The following CDH6 variants were observed in gnomAD, a reference collection of about 807,000 sequenced individuals.
CDH6 encodes cadherin 6.
CDH6 carries 31 observed loss-of-function variants against 78.0 expected under a neutral mutation model. The observed-to-expected ratio is 0.40, with a 90% CI of 0.30 to 0.54. The LOEUF is 0.54. CDH6 is among the 20% of genes least tolerant of loss of function. The pLI is 0.56. For missense variants in CDH6, 724 were observed against 975.9 expected, an observed-to-expected ratio of 0.74 and a Z score of 3.44; for synonymous variants, 376 against 368.8, an observed-to-expected ratio of 1.02 and a Z score of -0.23.
At chr5:31,242,167 C>T (rs184253912) in intron 1 of CDH6, among the ~76,000 whole-genome samples, 7 of 152,196 alleles carry the variant, frequency 4.6e-5, no homozygotes, top group Admixed American at 2.0e-4. Context: ...TTTTGCATCA[C>T]GAAATCTTTG....
Position 31,299,650 on chromosome 5 carries a change from A to C in CDH6, c.811+19A>C. ...CCCCAGAGTAGGAACATTTGATTGA[A>C]TGAATTTCTTCAATGTGCTTTTATA... On this transcript the variant is annotated intron_variant, in intron 5 of 11. Transcript: ENST00000265071. 3 of 1,588,586 alleles carry C rather than the reference A, an allele frequency of 1.9e-6. No individual in the cohort carries two copies. Among genetic ancestry groups the C allele is most frequent in the Non-Finnish European group, 2.6e-6 (3 of 1,159,440 alleles).
At chr5:31,295,836 G>A (rs922730127) in intron 3 of CDH6, among the ~76,000 whole-genome samples, 1 of 152,162 alleles carries the variant, frequency 6.6e-6, no homozygotes, top group Non-Finnish European at 1.5e-5. Context: ...ATGAGGATTA[G>A]ATGATAAAAC....
chr5:31,232,990 T>C (rs1741352937), intron 1 of CDH6, among the ~76,000 whole-genome samples: 1 of 152,148 alleles, frequency 6.6e-6, no homozygotes, highest in South Asian at 2.1e-4. Context: ...AGCTAGAATA[T>C]GGAAGAGCCA....
chr5:31,206,787 A>G (rs1740534506), intron 1 of CDH6, among the ~76,000 whole-genome samples: 1 of 152,210 alleles, frequency 6.6e-6, no homozygotes, highest in Non-Finnish European at 1.5e-5. Flanking sequence ...TTACATTAAT[A>G]CAGAAATTAG....
chr5:31,276,858 CA>C (rs1407998416), intron 2 of CDH6, among the ~76,000 whole-genome samples: 1 of 152,138 alleles, frequency 6.6e-6, no homozygotes, highest in Non-Finnish European at 1.5e-5. Flanking sequence ...TAACTTAATA[CA>C]CAGAAAAGGC....
intron 2 of CDH6, among the ~76,000 whole-genome samples, chr5:31,274,445 C>A (rs1194544299): frequency 6.6e-6 from 1 of 152,170 alleles, no homozygotes; most frequent in South Asian, 2.1e-4. Context: ...CACAAGGAAC[C>A]GATCCCAGAT....
chr5:31,215,026 C>A (rs1317835095), intron 1 of CDH6, among the ~76,000 whole-genome samples: 1 of 152,060 alleles, frequency 6.6e-6, no homozygotes, highest in East Asian at 1.9e-4. Flanking sequence ...ACTGAATATT[C>A]TTTTGAATGA....
chr5:31,225,250 C>T (rs1741117905), intron 1 of CDH6, among the ~76,000 whole-genome samples: 1 of 152,148 alleles, frequency 6.6e-6, no homozygotes. Flanking sequence ...TGACTCTGGG[C>T]TTTGTGTTTA....
intron 1 of CDH6, among the ~76,000 whole-genome samples, chr5:31,223,000 TTCTC>T (rs992109090): frequency 6.6e-6 from 1 of 152,006 alleles, no homozygotes; most frequent in African/African-American, 2.4e-5. Context: ...CTTTTCCTCT[TTCTC>T]TCTCACTTTT....
intron 1 of CDH6, among the ~76,000 whole-genome samples, chr5:31,238,293 G>C (rs1356171098): frequency 1.3e-5 from 2 of 152,136 alleles, no homozygotes; most frequent in African/African-American, 2.4e-5. Flanking sequence ...GGGAGAGCCA[G>C]AATAATGCCC....
chr5:31,263,258 TC>T (rs1363748737), intron 1 of CDH6, among the ~76,000 whole-genome samples: 70 of 134,400 alleles, frequency 5.2e-4, no homozygotes, highest in African/African-American at 2.1e-3. Context: ...AGGTCTCTCT[TC>T]TTTTTTTTTT....
intron 2 of CDH6, among the ~76,000 whole-genome samples, chr5:31,292,867 ATATATATG>A (rs1561061177): frequency 5.5e-5 from 5 of 91,202 alleles, no homozygotes; most frequent in African/African-American, 1.4e-4. Flanking sequence ...ATATATATAT[ATATATATG>A]TATGTGTTTG....
intron 2 of CDH6, among the ~76,000 whole-genome samples, chr5:31,292,793 A>ATATGTG (rs1337191928): frequency 7.0e-6 from 1 of 143,020 alleles, no homozygotes; most frequent in African/African-American, 2.6e-5. Flanking sequence ...ATATGTATAT[A>ATATGTG]TATGTGTGTG....
At chr5:31,233,678 T>C (rs1741377754) in intron 1 of CDH6, among the ~76,000 whole-genome samples, 1 of 152,206 alleles carries the variant, frequency 6.6e-6, no homozygotes, top group Admixed American at 6.5e-5. Flanking sequence ...GGCTACGACA[T>C]TTGCTGTTTT....
Position 31,255,611 on chromosome 5 carries a change from C to T in CDH6, c.-128-11735C>T, listed in dbSNP as rs192683818. ...AAACACATTCTCTTCCTGTCTAGAGCAAGTTTAATTTGACGGTCAGTTAAC... is the reference window on the plus strand; with the variant it reads ...AAACACATTCTCTTCCTGTCTAGAGTAAGTTTAATTTGACGGTCAGTTAAC... On this transcript the variant is annotated intron_variant, in intron 1 of 11. Transcript: ENST00000265071. Among the ~76,000 whole-genome samples, 102 of 152,320 alleles carry T rather than the reference C, an allele frequency of 6.7e-4. 1 individual carries two copies. In the East Asian group the frequency reaches 0.015, roughly 22 times the overall value.
intron 1 of CDH6, among the ~76,000 whole-genome samples, chr5:31,202,307 AAG>A (rs1228210382): frequency 1.3e-5 from 2 of 152,342 alleles, no homozygotes; most frequent in Admixed American, 6.5e-5. Flanking sequence ...TTAAAAAAGA[AAG>A]AGAGTCTCAT....
At chr5:31,248,106 CT>C (rs1407388855) in intron 1 of CDH6, among the ~76,000 whole-genome samples, 53 of 152,130 alleles carry the variant, frequency 3.5e-4, no homozygotes, top group Admixed American at 3.1e-3. Context: ...TATGATTCTT[CT>C]TTTAAGCAAT....
chr5:31,242,605 T>C (rs1741635188), intron 1 of CDH6, among the ~76,000 whole-genome samples: 1 of 151,754 alleles, frequency 6.6e-6, no homozygotes, highest in African/African-American at 2.4e-5. Context: ...GGAAAGCAAA[T>C]CTATATCCAG....
At chr5:31,254,868 T>C (rs1024251596) in intron 1 of CDH6, among the ~76,000 whole-genome samples, 1 of 152,198 alleles carries the variant, frequency 6.6e-6, no homozygotes, top group African/African-American at 2.4e-5. Context: ...CAGTCTTTAC[T>C]AACACAAGTA....
Sources: gnomAD v4.1 joint callset for allele counts (sites outside exome capture counted in the v4.1 genomes callset) on GRCh38, gnomAD v4.1.1 for gene constraint, MANE v1.5 for transcripts, NCBI Gene and HGNC (gene_info 2026-07-23, HGNC 2026-07-21) for gene names.